Variants in SLC39A11 observed in about 807,000 individuals in gnomAD.
The protein encoded by SLC39A11 is zinc transporter ZIP11.
SLC39A11 carries 33 observed loss-of-function variants against 36.1 expected under a neutral mutation model. The observed-to-expected ratio is 0.91, with a 90% confidence interval of 0.69 to 1.22. The LOEUF is 1.22. SLC39A11 is among the 50% of genes most tolerant of loss of function. SLC39A11 has a pLI of 0.00. For missense variants in SLC39A11, 432 were observed against 430.3 expected (o/e 1.00, Z -0.03); for synonymous variants, 166 against 170.3 (o/e 0.97, Z 0.20).
intron 4 of SLC39A11, among the ~76,000 whole-genome samples, chr17:73,023,529 GCC>G (rs2058429196): frequency 2.6e-5 from 4 of 152,056 alleles, no homozygotes; most frequent in Non-Finnish European, 4.4e-5. Context: ...TCTCACTCTT[GCC>G]CAGGCTGGAG....
intron 4 of SLC39A11, among the ~76,000 whole-genome samples, chr17:72,999,132 A>T (rs977789361): frequency 1.6e-4 from 24 of 152,196 alleles, no homozygotes; most frequent in African/African-American, 5.8e-4. Flanking sequence ...ATGGTGGCTC[A>T]TTTCTCAAGG....
chr17:72,743,680 A>G (rs2144158148), intron 6 of SLC39A11, among the ~76,000 whole-genome samples: 1 of 152,322 alleles, frequency 6.6e-6, no homozygotes, highest in Admixed American at 6.5e-5. Context: ...TTATGCATGC[A>G]GAAGGAACAC....
chr17:72,682,262 A>C (rs1162615054), intron 7 of SLC39A11, among the ~76,000 whole-genome samples: 1 of 151,964 alleles, frequency 6.6e-6, no homozygotes, highest in African/African-American at 2.4e-5. Context: ...GTGCACAATA[A>C]ATGTCATGTG....
Position 73,002,809 on chromosome 17 carries a change from T to A in SLC39A11, c.306+28747A>T, listed in dbSNP as rs142128340. Among the ~76,000 whole-genome samples the A allele has an allele frequency of 9.2e-4, 140 of 152,312 alleles. 1 individual carries two copies. In the East Asian group the frequency reaches 0.022, roughly 24 times the overall value. On this transcript the variant is annotated intron_variant, in intron 4 of 9. Transcript: ENST00000255559. ...AATCAATGTGTCAGCAGGGCCATGCTCCCTCTGGAGGCTCTAGGGAAGAAT... is the reference window on the plus strand; with the variant it reads ...AATCAATGTGTCAGCAGGGCCATGCACCCTCTGGAGGCTCTAGGGAAGAAT...
Position 72,700,771 on chromosome 17 carries a change from C to T in SLC39A11, c.671+35879G>A, listed in dbSNP as rs182643873. On this transcript the variant is annotated intron_variant, in intron 7 of 9. Coordinates refer to ENST00000255559, the MANE Select transcript of SLC39A11 (RefSeq NM_139177.4). ...ATGGCAGAAGGTGAAAGGCACATCTCACATGGCGGCAGACAAGAGAAGAGT... is the reference window on the plus strand; with the variant it reads ...ATGGCAGAAGGTGAAAGGCACATCTTACATGGCGGCAGACAAGAGAAGAGT... Among the ~76,000 whole-genome samples, 322 of 152,370 alleles carry T rather than the reference C, an allele frequency of 2.1e-3. 1 individual carries two copies. Among genetic ancestry groups the T allele is most frequent in the Non-Finnish European group, 3.2e-3 (218 of 68,038 alleles).
rs146401732 is a variant in SLC39A11, at chr17:72,749,872, C to A, written c.602-13153G>T. ...CTGAAAGCACCTCTATGACTCCAGG[C>A]TCAGATTCGTAAAACACTAGATGGA... is the stretch of plus-strand genomic sequence containing the variant. On this transcript the variant is annotated intron_variant, in intron 6 of 9. Coordinates refer to ENST00000255559, the MANE Select transcript of SLC39A11 (RefSeq NM_139177.4). 3.1e-3 allele frequency among the ~76,000 whole-genome samples: 472 copies of A among 152,246 alleles called. 3 individuals are homozygous for A. Among genetic ancestry groups the A allele is most frequent in the African/African-American group, 0.01 (418 of 41,542 alleles).
chr17:72,843,686 C>A (rs961146422), intron 6 of SLC39A11, among the ~76,000 whole-genome samples: 3 of 152,168 alleles, frequency 2.0e-5, no homozygotes, highest in African/African-American at 7.2e-5. Flanking sequence ...TGTTTCTAAG[C>A]TACCCATTGT....
intron 6 of SLC39A11, among the ~76,000 whole-genome samples, chr17:72,819,188 G>A (rs776982254): frequency 7.3e-5 from 11 of 151,326 alleles, no homozygotes; most frequent in Non-Finnish European, 1.5e-4. Flanking sequence ...GGAGTAGGGT[G>A]GGCCCTTAAT....
intron 4 of SLC39A11, among the ~76,000 whole-genome samples, chr17:73,013,050 C>T (rs977315777): frequency 2.0e-5 from 3 of 152,102 alleles, no homozygotes; most frequent in Non-Finnish European, 4.4e-5. Context: ...CCACCTGCCT[C>T]GGCCTCCCAA....
intron 5 of SLC39A11, among the ~76,000 whole-genome samples, chr17:72,931,448 C>T (rs2084390559): frequency 6.6e-6 from 1 of 152,172 alleles, no homozygotes; most frequent in Non-Finnish European, 1.5e-5. Context: ...GACTGTGCCT[C>T]GAAGGCTATG....
chr17:72,700,584 A>C (rs1282486565), intron 7 of SLC39A11, among the ~76,000 whole-genome samples: 1 of 152,264 alleles, frequency 6.6e-6, no homozygotes, highest in African/African-American at 2.4e-5. Flanking sequence ...AGACAGAACA[A>C]GCAATCCAAG....
chr17:72,913,136 A>G (rs908837908), intron 5 of SLC39A11, among the ~76,000 whole-genome samples: 3 of 152,012 alleles, frequency 2.0e-5, no homozygotes, highest in African/African-American at 7.3e-5. Flanking sequence ...TAGACTAGAG[A>G]AAGTTAGATA....
intron 5 of SLC39A11, among the ~76,000 whole-genome samples, chr17:72,927,779 T>C (rs1406297615): frequency 6.6e-6 from 1 of 151,678 alleles, no homozygotes; most frequent in African/African-American, 2.4e-5. Context: ...CATGCAAAAA[T>C]AATCAGTTCT....
In SLC39A11 at chr17:73,004,232, A is replaced by AAAGAAAGAAAGAAAAGAAAGAAAG; in HGVS notation, c.306+27323_306+27324insCTTTCTTTCTTTTCTTTCTTTCTT. 1.1e-3 allele frequency among the ~76,000 whole-genome samples: 99 copies of AAAGAAAGAAAGAAAAGAAAGAAAG among 88,708 alleles called. 6 individuals carry two copies. The highest frequency in any genetic ancestry group is 3.8e-3 in the African/African-American group (91 of 23,714). 58.2% of individuals were successfully genotyped at this position (88,708 alleles called of 152,430 possible). On this transcript the variant is annotated intron_variant, in intron 4 of 9. Transcript: ENST00000255559. ...GAAAGAAAGAAAGAAAGAAAGAAAGAAAAGAAAGAAAGAGAAAAAGCAAGC... is the reference window on the plus strand; with the variant it reads ...GAAAGAAAGAAAGAAAGAAAGAAAGAAAGAAAGAAAGAAAAGAAAGAAAGAAAGAAAGAAAGAGAAAAAGCAAGC...
intron 5 of SLC39A11, among the ~76,000 whole-genome samples, chr17:72,852,204 C>CAAAAAAAAAAAAAAAAAAAAAAA: frequency 1.3e-3 from 51 of 39,906 alleles, no homozygotes; most frequent in Middle Eastern, 0.016. Context: ...GACTCCGTCT[C>CAAAAAAAAAAAAAAAAAAAAAAA]AAAAAAAAAA....
chr17:72,751,691 C>T (rs1383267481), intron 6 of SLC39A11, among the ~76,000 whole-genome samples: 1 of 152,046 alleles, frequency 6.6e-6, no homozygotes, highest in African/African-American at 2.4e-5. Flanking sequence ...GATTCTTGTA[C>T]CTCAGTGATC....
intron 4 of SLC39A11, among the ~76,000 whole-genome samples, chr17:72,998,073 G>T (rs2089620032): frequency 6.6e-6 from 1 of 152,100 alleles, no homozygotes; most frequent in Non-Finnish European, 1.5e-5. Context: ...GCACCACGGG[G>T]TATGTAACTG....
chr17:73,046,343 G>A (rs2059290090), intron 3 of SLC39A11, among the ~76,000 whole-genome samples: 1 of 152,138 alleles, frequency 6.6e-6, no homozygotes, highest in Admixed American at 6.5e-5. Context: ...ATTCACCAGA[G>A]GGATGCAGCA....
intron 5 of SLC39A11, among the ~76,000 whole-genome samples, chr17:72,850,078 A>G (rs149013404): frequency 2.0e-4 from 31 of 152,186 alleles, no homozygotes; most frequent in African/African-American, 7.2e-4. Context: ...ACAATTGCCC[A>G]TTCCAAACTT....
Sources: allele counts gnomAD v4.1 joint callset (sites outside exome capture counted in the v4.1 genomes callset), GRCh38; gene constraint gnomAD v4.1.1; transcripts MANE v1.5; gene names NCBI Gene and HGNC (gene_info 2026-07-23, HGNC 2026-07-21).